Variants in DLG1 observed in about 807,000 individuals in gnomAD.
DLG1 encodes disks large homolog 1.
In DLG1, 42 loss-of-function variants were observed where a neutral mutation model predicts 123.4. The ratio of observed to expected loss-of-function variants is 0.34; its 90% confidence interval spans 0.27 to 0.44. The LOEUF is 0.44. DLG1 is among the 20% of genes least tolerant of loss of function. DLG1 has a pLI of 1.00. For missense variants in DLG1, 942 were observed against 1,082.6 expected (o/e 0.87, Z 1.82); for synonymous variants, 317 against 356.2 (o/e 0.89, Z 1.24).
chr3:197,201,051 CT>C (rs765447418), intron 4 of DLG1, among the ~76,000 whole-genome samples: 2 of 152,144 alleles, frequency 1.3e-5, no homozygotes, highest in Admixed American at 6.5e-5. Flanking sequence ...GAAATTATTC[CT>C]GTTTGCTGAT....
intron 14 of DLG1, among the ~76,000 whole-genome samples, chr3:197,104,022 C>A (rs567482227): frequency 6.6e-6 from 1 of 152,236 alleles, no homozygotes; most frequent in African/African-American, 2.4e-5. Flanking sequence ...CCCCCAGGAA[C>A]TTAGTAAAGT....
chr3:197,171,269 CCAGTA>C (rs969860487), intron 5 of DLG1, among the ~76,000 whole-genome samples: 1 of 152,044 alleles, frequency 6.6e-6, no homozygotes, highest in African/African-American at 2.4e-5. Flanking sequence ...CAACGGGGGC[CCAGTA>C]CCTTCAGAAA....
chr3:197,081,709 G>A (rs1751252271), intron 16 of DLG1, among the ~76,000 whole-genome samples: 1 of 152,108 alleles, frequency 6.6e-6, no homozygotes, highest in Non-Finnish European at 1.5e-5. Context: ...GAGTTTTAAA[G>A]TATTTTTGGA....
Position 197,221,365 on chromosome 3 carries a change from A to C in DLG1, c.319-26776T>G, listed in dbSNP as rs1016280661. Among the ~76,000 whole-genome samples the C allele has an allele frequency of 5.9e-5, 9 of 152,064 alleles. No individual in the cohort carries two copies. In the South Asian group the frequency reaches 1.9e-3, roughly 32 times the overall value. On this transcript the variant is annotated intron_variant, in intron 4 of 24. Coordinates refer to ENST00000667157, the MANE Select transcript of DLG1 (RefSeq NM_001366207.1). ...GAAACCCCATCTCTACTAAACATAC[A>C]AAAAATGAGCCGAGTGTGGTGGCGG...
chr3:197,152,277 A>G (rs117171538), intron 5 of DLG1, among the ~76,000 whole-genome samples: 1 of 152,292 alleles, frequency 6.6e-6, no homozygotes, highest in East Asian at 1.9e-4. Context: ...TTACAGGGTC[A>G]CTTGAACCAA....
intron 22 of DLG1, among the ~76,000 whole-genome samples, chr3:197,062,970 A>G (rs978156870): frequency 1.6e-4 from 24 of 152,144 alleles, no homozygotes; most frequent in East Asian, 7.7e-4. Flanking sequence ...CTGCCATTGT[A>G]TTAGTTTATT....
chr3:197,049,492 C>A (rs1017946255), intron 24 of DLG1, among the ~76,000 whole-genome samples: 2 of 152,232 alleles, frequency 1.3e-5, no homozygotes, highest in East Asian at 1.9e-4. Flanking sequence ...CGATGGCTCA[C>A]GCCTGTAGTC....
chr3:197,155,029 C>A (rs1158169796), intron 5 of DLG1, among the ~76,000 whole-genome samples: 1 of 152,048 alleles, frequency 6.6e-6, no homozygotes, highest in Non-Finnish European at 1.5e-5. Context: ...TGAATAATAG[C>A]CAAAACTTCT....
intron 4 of DLG1, among the ~76,000 whole-genome samples, chr3:197,261,608 TTCC>T (rs1305457401): frequency 2.0e-5 from 3 of 152,186 alleles, no homozygotes; most frequent in Non-Finnish European, 2.9e-5. Flanking sequence ...TTATACCCCA[TTCC>T]TCCTCCTAAC....
intron 23 of DLG1, among the ~76,000 whole-genome samples, chr3:197,059,517 T>C (rs1201931796): frequency 6.6e-6 from 1 of 152,242 alleles, no homozygotes; most frequent in Admixed American, 6.5e-5. Context: ...CTATTTGTTC[T>C]TTCTTAATTT....
At chr3:197,181,508 GAGTC>G (rs1375932725) in intron 5 of DLG1, among the ~76,000 whole-genome samples, 6 of 152,112 alleles carry the variant, frequency 3.9e-5, no homozygotes, top group East Asian at 3.8e-4. Context: ...TGCCAGCCAT[GAGTC>G]AGTAAGTGCA....
chr3:197,176,481 C>A (rs868036444), intron 5 of DLG1, among the ~76,000 whole-genome samples: 1 of 152,126 alleles, frequency 6.6e-6, no homozygotes, highest in South Asian at 2.1e-4. Context: ...TCTCACCTAA[C>A]CCCTGGCAAC....
At chr3:197,296,519 C>G in intron 2 of DLG1, 42 bp from the exon 3 acceptor site, 1 of 1,589,874 alleles carries the variant, frequency 6.3e-7, no homozygotes, top group Non-Finnish European at 8.6e-7. Flanking sequence ...TCTCTATTTA[C>G]AAAAAAAGTA....
intron 5 of DLG1, among the ~76,000 whole-genome samples, chr3:197,189,833 G>A (rs976985221): frequency 2.0e-5 from 3 of 152,106 alleles, no homozygotes; most frequent in Non-Finnish European, 2.9e-5. Context: ...CACAAAGATC[G>A]CCACTCAGAT....
chr3:197,290,703 T>G (rs1774404752), intron 3 of DLG1, among the ~76,000 whole-genome samples: 1 of 151,838 alleles, frequency 6.6e-6, no homozygotes, highest in African/African-American at 2.4e-5. Flanking sequence ...AGAACTTTGC[T>G]CAGGAGTTCG....
At chr3:197,153,991 C>T (rs1176786738) in intron 5 of DLG1, among the ~76,000 whole-genome samples, 3 of 151,984 alleles carry the variant, frequency 2.0e-5, no homozygotes, top group Non-Finnish European at 4.4e-5. Flanking sequence ...AAATATAAAT[C>T]AATATAAACT....
At chr3:197,194,960 T>G (rs1414947583) in intron 4 of DLG1, among the ~76,000 whole-genome samples, 1 of 152,078 alleles carries the variant, frequency 6.6e-6, no homozygotes, top group Non-Finnish European at 1.5e-5. Context: ...TGTACACAAA[T>G]TTTTTAAAAG....
chr3:197,070,719 T>C (rs2148942373), intron 18 of DLG1: 1 of 151,910 alleles, frequency 6.6e-6, no homozygotes, highest in South Asian at 2.1e-4. Context: ...ACTGCAGGTA[T>C]ATAGCACCAT....
intron 14 of DLG1, among the ~76,000 whole-genome samples, chr3:197,097,009 C>G (rs1260226419): frequency 6.6e-6 from 1 of 152,182 alleles, no homozygotes; most frequent in Non-Finnish European, 1.5e-5. Flanking sequence ...TTTGTTGTTT[C>G]TCTCAAGTGT....
Sources: gnomAD v4.1 joint callset for allele counts (sites outside exome capture counted in the v4.1 genomes callset) on GRCh38, gnomAD v4.1.1 for gene constraint, MANE v1.5 for transcripts, NCBI Gene and HGNC (gene_info 2026-07-23, HGNC 2026-07-21) for gene names.